Variants in MRAS observed in about 807,000 individuals in gnomAD.
MRAS encodes the protein muscle RAS oncogene homolog.
Under a neutral mutation model 20.9 loss-of-function variants are expected in MRAS, and 4 were observed. The ratio of observed to expected loss-of-function variants is 0.19; its 90% CI spans 0.09 to 0.44. The LOEUF is 0.44. Ranked by LOEUF, MRAS falls within the 20% of genes least tolerant of loss-of-function variation. The probability of loss-of-function intolerance (pLI) is 0.99; values close to 1 mark genes in which losing one functional copy is unlikely to be tolerated. For synonymous variants in MRAS, 98 were observed against 102.9 expected (o/e 0.95, Z 0.29); for missense variants, 154 against 277.5 (o/e 0.56, Z 3.16).
intron 2 of MRAS, among the ~76,000 whole-genome samples, chr3:138,382,416 A>G (rs867203423): frequency 6.6e-6 from 1 of 152,330 alleles, no homozygotes; most frequent in African/African-American, 2.4e-5. Flanking sequence ...CCTTGTGACA[A>G]TTCTGTGAAA....
intron 1 of MRAS, among the ~76,000 whole-genome samples, chr3:138,358,271 A>C (rs564745929): frequency 1.0e-3 from 155 of 152,162 alleles, no homozygotes; most frequent in Non-Finnish European, 1.5e-3. Flanking sequence ...CAGGAGGCAG[A>C]GTCTGCACTG....
At chr3:138,394,614 C>T (rs1187583032) in intron 2 of MRAS, among the ~76,000 whole-genome samples, 1 of 152,140 alleles carries the variant, frequency 6.6e-6, no homozygotes, top group Admixed American at 6.5e-5. Flanking sequence ...CTTAAGTCCC[C>T]CAATACCTAC....
intron 1 of MRAS, chr3:138,349,861 T>C (rs946646368): frequency 6.6e-6 from 1 of 152,202 alleles, no homozygotes; most frequent in Non-Finnish European, 1.5e-5. Context: ...TGAAGTGGAT[T>C]TGCTCATCAT....
intron 2 of MRAS, among the ~76,000 whole-genome samples, chr3:138,377,629 T>G (rs2054811807): frequency 6.6e-6 from 1 of 152,196 alleles, no homozygotes; most frequent in Non-Finnish European, 1.5e-5. Flanking sequence ...CCTGGGCATC[T>G]GGATCCCAGG....
At chr3:138,393,019 A>G (rs545869848) in intron 2 of MRAS, among the ~76,000 whole-genome samples, 116 of 152,218 alleles carry the variant, frequency 7.6e-4, no homozygotes, top group African/African-American at 2.6e-3. Flanking sequence ...TCTATTGGTT[A>G]TGCTATATAT....
rs539406053 is a variant in MRAS at position 138,400,031 on chromosome 3, A to G, written c.448-503A>G. ...CTCCCAGGCTCATAGATACAGATCA[A>G]ACAAGAGCTGGGATGAGGTGGGGGC... On this transcript the variant is annotated intron_variant, in intron 4 of 5. Coordinates refer to ENST00000423968, the MANE Select transcript of MRAS (RefSeq NM_001085049.3). 3.3e-5 allele frequency among the ~76,000 whole-genome samples: 5 copies of G among 152,342 alleles called. No homozygotes were observed. The East Asian group carries it at 9.6e-4, about 29-fold the overall frequency.
chr3:138,384,494 C>T (rs2054969834), intron 2 of MRAS, among the ~76,000 whole-genome samples: 1 of 152,120 alleles, frequency 6.6e-6, no homozygotes, highest in African/African-American at 2.4e-5. Context: ...GCCTGAAGAA[C>T]CAGTAGCATA....
At chr3:138,353,703 C>T (rs1426036823) in intron 1 of MRAS, among the ~76,000 whole-genome samples, 3 of 152,234 alleles carry the variant, frequency 2.0e-5, no homozygotes, top group African/African-American at 7.2e-5. Flanking sequence ...ATTGATCCAT[C>T]TCTCCATCCA....
At chr3:138,355,363 C>T (rs1002445915) in intron 1 of MRAS, among the ~76,000 whole-genome samples, 1 of 152,192 alleles carries the variant, frequency 6.6e-6, no homozygotes, top group African/African-American at 2.4e-5. Context: ...TGATTGACTC[C>T]TGAGCTGAAG....
intron 2 of MRAS, among the ~76,000 whole-genome samples, chr3:138,389,536 C>T (rs372837412): frequency 2.7e-5 from 4 of 148,626 alleles, no homozygotes; most frequent in South Asian, 2.2e-4. Context: ...ATGGAAGTCA[C>T]GGCTTGGGCA....
At chr3:138,357,752 T>C (rs2054365006) in intron 1 of MRAS, among the ~76,000 whole-genome samples, 1 of 152,224 alleles carries the variant, frequency 6.6e-6, no homozygotes, top group South Asian at 2.1e-4. Flanking sequence ...GCCACTATTA[T>C]TGCATGTAAC....
chr3:138,354,962 T>C (rs2054300817), intron 1 of MRAS, among the ~76,000 whole-genome samples: 1 of 152,062 alleles, frequency 6.6e-6, no homozygotes, highest in Non-Finnish European at 1.5e-5. Context: ...AAAAAATTTT[T>C]TTTGTAGAGA....
At chr3:138,361,195 A>C (rs763477354) in intron 1 of MRAS, among the ~76,000 whole-genome samples, 2 of 152,176 alleles carry the variant, frequency 1.3e-5, no homozygotes, top group Non-Finnish European at 2.9e-5. Flanking sequence ...AGGACCTGAC[A>C]CTTGGGTACC....
chr3:138,362,939 C>T (rs2054479882), intron 1 of MRAS, among the ~76,000 whole-genome samples: 1 of 152,158 alleles, frequency 6.6e-6, no homozygotes. Flanking sequence ...ATGTTGCTCG[C>T]AGTACCGAGT....
chr3:138,366,860 G>A (rs2054570356), intron 1 of MRAS, among the ~76,000 whole-genome samples: 2 of 152,222 alleles, frequency 1.3e-5, no homozygotes, highest in Admixed American at 6.5e-5. Flanking sequence ...GTGGAGTGGG[G>A]TGCATGGAGA....
chr3:138,393,175 T>C (rs1043531854), intron 2 of MRAS, among the ~76,000 whole-genome samples: 3 of 152,252 alleles, frequency 2.0e-5, no homozygotes, highest in Admixed American at 6.5e-5. Context: ...ATTTTAGTTC[T>C]ACATTATCAT....
intron 1 of MRAS, among the ~76,000 whole-genome samples, chr3:138,364,835 G>A (rs1482192962): frequency 6.6e-6 from 1 of 152,214 alleles, no homozygotes; most frequent in African/African-American, 2.4e-5. Context: ...TGCCCCTCAA[G>A]CTCTGACCTG....
intron 4 of MRAS, among the ~76,000 whole-genome samples, chr3:138,398,885 G>A (rs2055298495): frequency 6.6e-6 from 1 of 152,212 alleles, no homozygotes; most frequent in African/African-American, 2.4e-5. Context: ...TGGAACCTGG[G>A]CCATTACTGA....
chr3:138,402,048 CA>C (rs1372421025), intron 5 of MRAS, 121 bp from the exon 6 acceptor site: 2 of 871,828 alleles, frequency 2.3e-6, no homozygotes, highest in African/African-American at 3.4e-5. Context: ...CCATCCCCCT[CA>C]CCCACTAACC....
Sources: gnomAD v4.1 joint callset for allele counts (sites outside exome capture counted in the v4.1 genomes callset) on GRCh38, gnomAD v4.1.1 for gene constraint, MANE v1.5 for transcripts, NCBI Gene and HGNC (gene_info 2026-07-23, HGNC 2026-07-21) for gene names.